Variants in RFPL2 observed in about 807,000 individuals in gnomAD.
RFPL2 encodes the protein ret finger protein like 2.
RFPL2 carries 13 observed loss-of-function variants against 17.8 expected under a neutral mutation model. That is an observed-to-expected ratio of 0.73 (90% CI 0.47 to 1.16). The LOEUF is 1.16. Ranked by LOEUF, RFPL2 falls within the 50% of genes most tolerant of loss-of-function variation. RFPL2 has a pLI of 0.00. For missense variants in RFPL2, 431 were observed against 479.3 expected (o/e 0.90, Z 0.94); for synonymous variants, 189 against 180.9 (o/e 1.04, Z -0.36).
intron 2 of RFPL2, among the ~76,000 whole-genome samples, chr22:32,195,622 AT>A (rs1168014656): frequency 3.8e-3 from 538 of 142,870 alleles, no homozygotes; most frequent in Admixed American, 4.1e-3. Flanking sequence ...TGCCTGGCTA[AT>A]TTTTTTTTTT....
intron 2 of RFPL2, among the ~76,000 whole-genome samples, chr22:32,198,481 G>C (rs1208750948): frequency 6.6e-6 from 1 of 151,286 alleles, no homozygotes; most frequent in East Asian, 1.9e-4. Context: ...GCAAGTGGGG[G>C]CTGGGGAGGG....
At chr22:32,202,197 C>T (rs1923987444) in intron 2 of RFPL2, 136 bp downstream of exon 2, 3 of 1,092,548 alleles carry the variant, frequency 2.7e-6, no homozygotes, top group South Asian at 3.3e-5. Context: ...TCTTCCTCTC[C>T]CTGGACTCCC....
intron 3 of RFPL2, chr22:32,193,465 A>T: frequency 6.9e-7 from 1 of 1,445,556 alleles, no homozygotes; most frequent in Non-Finnish European, 9.1e-7. Flanking sequence ...GCTGAGCCTG[A>T]GCCAGTGACA....
chr22:32,191,030 C>A lies in RFPL2; in HGVS notation c.879G>T (p.Pro293=), dbSNP rs559935317. The change falls in exon 5 of 5, where the codon CCG becomes CCT. Residue 293 remains proline, a synonymous_variant. Transcript: ENST00000652607. ...DGGRLSATTV[P]LTFLFVDRKL... is the part of the protein sequence containing the mutation. Reference sequence around the variant, plus strand: ...TGCGGTCTACGAAGAGGAAAGTCAGCGGCACCGTGGTGGCAGAGAGGCGGC... The same window carrying A: ...TGCGGTCTACGAAGAGGAAAGTCAGAGGCACCGTGGTGGCAGAGAGGCGGC... 3.1e-6 allele frequency: 5 copies of A among 1,613,826 alleles called. No homozygotes were observed. The highest frequency in any genetic ancestry group is 4.2e-6 in the Non-Finnish European group (5 of 1,179,826).
Position 32,190,947 on chromosome 22 carries a change from T to C in RFPL2, c.962A>G (p.Asp321Gly), listed in dbSNP as rs1922531595. ...DMGMQNVSFFDAESGSHVYTF... is the reference protein window; with the variant it reads ...DMGMQNVSFFGAESGSHVYTF... ...ATAGACATGGGAACCACTTTCAGCA[T>C]CAAAAAAGGAAACGTTCTGCATGCC... The change falls in exon 5 of 5, where the codon GAT (aspartate) becomes GGT (glycine). Residue 321 changes from aspartate (D) to glycine (G), a missense_variant. Coordinates refer to ENST00000652607, the MANE Select transcript of RFPL2 (RefSeq NM_001394555.1). 4 of 1,603,074 alleles carry C rather than the reference T, an allele frequency of 2.5e-6. No individual in the cohort carries two copies. The East Asian group carries it at 8.9e-5, about 36-fold the overall frequency.
chr22:32,193,430 C>T (rs3986033), intron 3 of RFPL2: 130 of 1,476,566 alleles, frequency 8.8e-5, no homozygotes, highest in Non-Finnish European at 1.1e-4. Context: ...GTGGAGGAAG[C>T]GTCCATTCTC....
At position 32,193,090 on chromosome 22, in the gene RFPL2, T is replaced by C. The variant is rs1167349877; in HGVS notation, c.368A>G (p.Lys123Arg). 5 of 1,613,828 alleles carry C rather than the reference T, an allele frequency of 3.1e-6. No homozygotes were observed. The highest frequency in any genetic ancestry group is 4.2e-6 in the Non-Finnish European group (5 of 1,179,854). Reference protein sequence around the residue: ...SLECGCAVCLKCINSLQKEPH... With the variant: ...SLECGCAVCLRCINSLQKEPH... Reference sequence around the variant, plus strand: ...CTCCTTCTGCAGTGAATTAATGCACTTGAGGCAGACGGCGCATCCACACTC... The same window carrying C: ...CTCCTTCTGCAGTGAATTAATGCACCTGAGGCAGACGGCGCATCCACACTC... The change falls in exon 4 of 5, where the codon AAG (lysine) becomes AGG (arginine). Residue 123 changes from lysine to arginine, a missense_variant. Coordinates refer to ENST00000652607, the MANE Select transcript of RFPL2 (RefSeq NM_001394555.1).
At chr22:32,200,186 CAAAG>C in intron 2 of RFPL2, 2 of 381,680 alleles carry the variant, frequency 5.2e-6, no homozygotes, top group Non-Finnish European at 1.0e-5. Flanking sequence ...GGGTCACACA[CAAAG>C]AGAGCGCTGT....
In RFPL2 at chr22:32,201,516, C is replaced by T. The variant is rs187034876; in HGVS notation, c.119+817G>A. Among the ~76,000 whole-genome samples, 24 of 152,320 alleles carry T rather than the reference C, an allele frequency of 1.6e-4. No individual in the cohort carries two copies. In the East Asian group the frequency reaches 2.7e-3, roughly 17 times the overall value. ...CACAGGTGACCTGTGTCTGTAAGTG[C>T]ACCTACAGCTGCCTGGCAGCTCTAG... On this transcript the variant is annotated intron_variant, in intron 2 of 4. Coordinates refer to ENST00000652607, the MANE Select transcript of RFPL2 (RefSeq NM_001394555.1).
chr22:32,193,258 A>C, intron 3 of RFPL2, 66 bp from the exon 4 acceptor site: 1 of 1,613,302 alleles, frequency 6.2e-7, no homozygotes, highest in Non-Finnish European at 8.5e-7. Context: ...AGTTGTGACA[A>C]GTGACAACCT....
chr22:32,198,509 G>A (rs970126071), intron 2 of RFPL2, among the ~76,000 whole-genome samples: 3 of 151,888 alleles, frequency 2.0e-5, no homozygotes, highest in Non-Finnish European at 4.4e-5. Context: ...GGGGGTCCTA[G>A]GGAGTAGATT....
intron 3 of RFPL2, 149 bp downstream of exon 3, chr22:32,194,196 C>G: frequency 1.2e-6 from 1 of 833,562 alleles, no homozygotes; most frequent in African/African-American, 1.8e-5. Context: ...ACTGGGGATC[C>G]AGGGTGACTG....
Position 32,191,086 on chromosome 22 carries a change from C to G in RFPL2, c.823G>C (p.Gly275Arg). 5 of 1,613,998 alleles carry G rather than the reference C, an allele frequency of 3.1e-6. No homozygotes were observed. The highest frequency in any genetic ancestry group is 4.2e-6 in the Non-Finnish European group (5 of 1,179,872). ...KGRIQLTTEL[G>R]FWTVSLRDGG... is the part of the protein sequence containing the mutation. ...TCCCTCAAACTCACAGTCCAGAATC[C>G]AAGCTCTGTGGTCAGCTGGATCCTC... Residue 275 changes from glycine to arginine, a missense_variant, in exon 5 of 5, where the codon GGA becomes CGA. Physicochemically the swap from Gly to Arg is moderately radical, Grantham distance 125. Coordinates refer to ENST00000652607, the MANE Select transcript of RFPL2 (RefSeq NM_001394555.1).
intron 4 of RFPL2, among the ~76,000 whole-genome samples, 175 bp from the exon 5 acceptor site, chr22:32,191,527 C>A (rs570195173): frequency 6.6e-6 from 1 of 152,298 alleles, no homozygotes; most frequent in South Asian, 2.1e-4. Flanking sequence ...CATAGGTATG[C>A]TTTGTGGCAA....
chr22:32,201,435 G>A (rs955795638), intron 2 of RFPL2, among the ~76,000 whole-genome samples: 2 of 152,132 alleles, frequency 1.3e-5, no homozygotes, highest in Non-Finnish European at 2.9e-5. Context: ...AACTAAAAGC[G>A]AGGACCCGTC....
At chr22:32,203,916 C>T (rs915278637) in intron 1 of RFPL2, among the ~76,000 whole-genome samples, 1 of 151,758 alleles carries the variant, frequency 6.6e-6, no homozygotes, top group East Asian at 1.9e-4. Flanking sequence ...ACACGCCCCC[C>T]ACTACATGCG....
At position 32,191,416 on chromosome 22, in the gene RFPL2, C is replaced by T. The variant is rs954383083; in HGVS notation, c.557-64G>A. 2.6e-6 allele frequency: 4 copies of T among 1,517,300 alleles called. No individual in the cohort carries two copies. The African/African-American group carries it at 5.6e-5, about 21-fold the overall frequency. 94.0% of individuals were successfully genotyped at this position (1,517,300 alleles called of 1,614,324 possible). A position where few individuals can be genotyped will look rare whatever the true frequency, so the allele number is the denominator to read the frequency against. ...AAACCAACCCTATGCCTCTCTTCTA[C>T]TTCAAAGGCCCAAATATCTCTTGAC... is the stretch of plus-strand genomic sequence containing the variant. On this transcript the variant is annotated intron_variant, in intron 4 of 4. Transcript: ENST00000652607.
intron 2 of RFPL2, 113 bp downstream of exon 2, chr22:32,202,220 C>T: frequency 7.4e-7 from 1 of 1,352,486 alleles, no homozygotes; most frequent in Non-Finnish European, 1.0e-6. Context: ...CTCCTTCTCT[C>T]TCCCTCCATC....
chr22:32,190,652 G>T lies in RFPL2; in HGVS notation c.*120C>A. The T allele has an allele frequency of 2.9e-6, 3 of 1,029,520 alleles. No homozygotes were observed. The highest frequency in any genetic ancestry group is 2.0e-5 in the South Asian group (1 of 50,370). 63.8% of individuals were successfully genotyped at this position (1,029,520 alleles called of 1,614,324 possible). A position where few individuals can be genotyped will look rare whatever the true frequency, so the allele number is the denominator to read the frequency against. Reference sequence around the variant, plus strand: ...ATCAAATTAGATTAAGTACAATCAAGAAATGTCCCATATTTTTCTCCCGTG... The same window carrying T: ...ATCAAATTAGATTAAGTACAATCAATAAATGTCCCATATTTTTCTCCCGTG... On this transcript the variant is annotated 3_prime_UTR_variant, in exon 5 of 5. Coordinates refer to ENST00000652607, the MANE Select transcript of RFPL2 (RefSeq NM_001394555.1).
Sources: allele counts gnomAD v4.1 joint callset (sites outside exome capture counted in the v4.1 genomes callset), GRCh38; gene constraint gnomAD v4.1.1; transcripts MANE v1.5; gene names NCBI Gene and HGNC (gene_info 2026-07-23, HGNC 2026-07-21).